Variants in ERO1B observed in about 807,000 individuals in gnomAD.
ERO1B encodes ERO1-like protein beta.
In ERO1B, 49 loss-of-function variants were observed where a neutral mutation model predicts 75.3. The observed-to-expected ratio is 0.65, with a 90% CI of 0.52 to 0.83. The LOEUF (loss-of-function observed/expected upper bound fraction) is 0.83. ERO1B is among the 40% of genes least tolerant of loss of function. ERO1B has a pLI of 0.00. For missense variants in ERO1B, 512 were observed against 560.1 expected (o/e 0.91, Z 0.87); for synonymous variants, 191 against 192.9 (o/e 0.99, Z 0.08).
At position 236,225,132 on chromosome 1, in the gene ERO1B, G is replaced by A. The variant is rs1664248708; in HGVS notation, c.1060C>T (p.Pro354Ser). Residue 354 changes from proline to serine, a missense_variant, in exon 13 of 16, where the codon CCC (proline) becomes TCC (serine). Physicochemically the swap from Pro to Ser is moderately conservative, Grantham distance 74 (BLOSUM62 -1). Coordinates refer to ENST00000354619, the MANE Select transcript of ERO1B (RefSeq NM_019891.4). The stretch of plus-strand genomic sequence containing the variant: ...ATGGATTTCTCATCAAAGTGCATGG[G>A]AAAGGACCTGATAAAATGATAGTAT... Reference protein sequence around the residue: ...LNIFQDTKSFPMHFDEKSMFA... With the variant: ...LNIFQDTKSFSMHFDEKSMFA... 6.2e-7 allele frequency: 1 copy of A among 1,613,688 alleles called. No individual in the cohort carries two copies. The highest frequency in any genetic ancestry group is 1.1e-5 in the South Asian group (1 of 91,088).
chr1:236,269,825 G>T (rs372773789), intron 2 of ERO1B, 50 bp downstream of exon 2: 98 of 1,350,072 alleles, frequency 7.3e-5, no homozygotes, highest in Non-Finnish European at 9.3e-5. Context: ...GATCATAAAG[G>T]TCACATATAA....
At chr1:236,268,181 CTTATT>C (rs1339306702) in intron 2 of ERO1B, among the ~76,000 whole-genome samples, 6 of 152,192 alleles carry the variant, frequency 3.9e-5, no homozygotes, top group Non-Finnish European at 7.3e-5. Context: ...CTTTAATTCT[CTTATT>C]TGTTATATTT....
intron 2 of ERO1B, among the ~76,000 whole-genome samples, chr1:236,265,584 G>C (rs1264904649): frequency 6.6e-6 from 1 of 152,118 alleles, no homozygotes; most frequent in African/African-American, 2.4e-5. Context: ...ACTAACACAA[G>C]AGTCTCCTAA....
chr1:236,241,315 A>G (rs12403533), intron 6 of ERO1B, among the ~76,000 whole-genome samples: 10,462 of 152,236 alleles, frequency 0.069, 749 homozygotes, highest in East Asian at 0.39. Context: ...AGGCCAAGGC[A>G]GACGGATCAC....
chr1:236,250,026 T>C (rs1233588329), intron 4 of ERO1B, 59 bp from the exon 5 acceptor site: 1 of 1,147,756 alleles, frequency 8.7e-7, no homozygotes, highest in Non-Finnish European at 1.3e-6. Context: ...TTTCAGTTTC[T>C]ATTGGCAGAA....
chr1:236,232,188 T>C (rs1386802943), intron 9 of ERO1B, among the ~76,000 whole-genome samples: 5 of 152,222 alleles, frequency 3.3e-5, no homozygotes, highest in Admixed American at 3.3e-4. Flanking sequence ...CTATGGAGTA[T>C]TTCTTTACCT....
chr1:236,238,955 ATTG>A (rs993092891), intron 6 of ERO1B, among the ~76,000 whole-genome samples: 1 of 152,078 alleles, frequency 6.6e-6, no homozygotes, highest in African/African-American at 2.4e-5. Context: ...CAGGTTTTTC[ATTG>A]TTCTTTTTTA....
intron 6 of ERO1B, among the ~76,000 whole-genome samples, chr1:236,241,320 G>A (rs1168042683): frequency 6.6e-6 from 1 of 152,154 alleles, no homozygotes; most frequent in East Asian, 1.9e-4. Flanking sequence ...AAGGCAGACG[G>A]ATCACCTGAG....
chr1:236,239,857 A>ATATGTG (rs771310245), intron 6 of ERO1B, among the ~76,000 whole-genome samples: 3 of 39,744 alleles, frequency 7.5e-5, no homozygotes, highest in Admixed American at 3.1e-4. Context: ...ATGTGTATAT[A>ATATGTG]TGTATATATA....
intron 2 of ERO1B, among the ~76,000 whole-genome samples, chr1:236,263,778 C>CTTTTTTTTTTTTTTTTT: frequency 6.2e-5 from 5 of 80,294 alleles, no homozygotes; most frequent in Admixed American, 1.2e-4. Flanking sequence ...ATTTTGTTTG[C>CTTTTTTTTTTTTTTTTT]TTTTTTTTTT....
intron 1 of ERO1B, among the ~76,000 whole-genome samples, chr1:236,279,600 A>G (rs1386027495): frequency 2.0e-5 from 3 of 150,108 alleles, no homozygotes; most frequent in African/African-American, 2.4e-5. Context: ...AGGCCGAGGC[A>G]GGCGGATCAC....
intron 6 of ERO1B, among the ~76,000 whole-genome samples, chr1:236,237,146 G>A (rs996301999): frequency 1.5e-5 from 2 of 130,478 alleles, no homozygotes; most frequent in Non-Finnish European, 3.2e-5. Flanking sequence ...TTGAGACGGA[G>A]TCTCACTCTG....
chr1:236,256,516 T>C (rs1527282), intron 2 of ERO1B, among the ~76,000 whole-genome samples: 35,574 of 151,836 alleles, frequency 0.23, 4,473 homozygotes, highest in East Asian at 0.38. Context: ...TCCCACAATC[T>C]CTCAATGGAA....
chr1:236,250,609 ATATATATATC>A, intron 4 of ERO1B, among the ~76,000 whole-genome samples: 3 of 69,764 alleles, frequency 4.3e-5, no homozygotes, highest in Non-Finnish European at 6.0e-5. Flanking sequence ...ATATATATAT[ATATATATATC>A]AAACGTGTGT....
At chr1:236,263,721 A>G (rs190436085) in intron 2 of ERO1B, among the ~76,000 whole-genome samples, 2 of 129,516 alleles carry the variant, frequency 1.5e-5, no homozygotes, top group East Asian at 4.5e-4. Flanking sequence ...TGATGTACTT[A>G]TTCCTATATA....
chr1:236,244,847 CA>C (rs1664801515), intron 5 of ERO1B, among the ~76,000 whole-genome samples: 1 of 150,942 alleles, frequency 6.6e-6, no homozygotes, highest in Non-Finnish European at 1.5e-5. Context: ...AAGATGGATG[CA>C]ACACTATTTG....
At chr1:236,245,323 C>CACGTATATATATACGTATATATAT (rs1558513105) in intron 5 of ERO1B, among the ~76,000 whole-genome samples, 3 of 11,686 alleles carry the variant, frequency 2.6e-4, no homozygotes, top group Admixed American at 1.6e-3. Context: ...TATATATATA[C>CACGTATATATATACGTATATATAT]ACACACGTAT....
chr1:236,255,713 G>A (rs749054637), intron 2 of ERO1B, among the ~76,000 whole-genome samples: 4 of 152,098 alleles, frequency 2.6e-5, no homozygotes, highest in Non-Finnish European at 4.4e-5. Flanking sequence ...GGCAGGATGT[G>A]CATAAACAAA....
chr1:236,257,667 C>A (rs919470696), intron 2 of ERO1B, among the ~76,000 whole-genome samples: 2 of 151,056 alleles, frequency 1.3e-5, no homozygotes, highest in Non-Finnish European at 2.9e-5. Flanking sequence ...AAGATGCTCA[C>A]TGAGGTAAGG....
Sources: allele counts gnomAD v4.1 joint callset (sites outside exome capture counted in the v4.1 genomes callset), GRCh38; gene constraint gnomAD v4.1.1; transcripts MANE v1.5; gene names NCBI Gene and HGNC (gene_info 2026-07-23, HGNC 2026-07-21).